Variants in C8orf34 observed in about 807,000 individuals in gnomAD.
The protein encoded by C8orf34 is chromosome 8 open reading frame 34, also known as uncharacterized protein C8orf34.
Under a neutral mutation model 68.3 loss-of-function variants are expected in C8orf34, and 65 were observed. The observed-to-expected ratio is 0.95, with a 90% CI of 0.78 to 1.17. C8orf34 has a LOEUF of 1.17. C8orf34 is among the 50% of genes most tolerant of loss of function. C8orf34 has a pLI of 0.00. For missense variants in C8orf34, 664 were observed against 655.4 expected (o/e 1.01, Z -0.14); for synonymous variants, 244 against 241.2 (o/e 1.01, Z -0.11).
At chr8:68,653,771 T>C (rs1819431795) in intron 8 of C8orf34, among the ~76,000 whole-genome samples, 1 of 152,114 alleles carries the variant, frequency 6.6e-6, no homozygotes, top group Non-Finnish European at 1.5e-5. Flanking sequence ...CATCACATTA[T>C]AGATTAGATT....
intron 7 of C8orf34, among the ~76,000 whole-genome samples, chr8:68,566,539 G>A (rs1489007759): frequency 6.6e-6 from 1 of 152,168 alleles, no homozygotes; most frequent in Non-Finnish European, 1.5e-5. Context: ...TATGGAGATG[G>A]CTTCTTTCCT....
chr8:68,424,885 G>A (rs1810142231), intron 1 of C8orf34, among the ~76,000 whole-genome samples: 1 of 152,106 alleles, frequency 6.6e-6, no homozygotes, highest in African/African-American at 2.4e-5. Context: ...GGGTGACAGA[G>A]TGAGACTCCA....
At chr8:68,671,916 A>T (rs768483155) in intron 8 of C8orf34, among the ~76,000 whole-genome samples, 8 of 152,196 alleles carry the variant, frequency 5.3e-5, no homozygotes, top group Non-Finnish European at 1.2e-4. Flanking sequence ...ATACAGTATA[A>T]GTCATTATAG....
chr8:68,497,754 A>C (rs1330199432), intron 5 of C8orf34, among the ~76,000 whole-genome samples: 2 of 152,046 alleles, frequency 1.3e-5, no homozygotes, highest in Non-Finnish European at 2.9e-5. Context: ...AGGAAGGGAG[A>C]GAAATGTGTT....
intron 7 of C8orf34, among the ~76,000 whole-genome samples, chr8:68,586,179 A>C (rs1398812751): frequency 1.3e-5 from 2 of 152,174 alleles, no homozygotes; most frequent in Admixed American, 1.3e-4. Flanking sequence ...AGAGGGGGAG[A>C]AAAAGCCTCA....
chr8:68,688,747 C>A (rs996379312), intron 8 of C8orf34, among the ~76,000 whole-genome samples: 1 of 152,060 alleles, frequency 6.6e-6, no homozygotes, highest in Admixed American at 6.6e-5. Flanking sequence ...GAAAACCAAA[C>A]ACTGCATGTT....
chr8:68,568,074 G>T (rs973483756), intron 7 of C8orf34, among the ~76,000 whole-genome samples: 1 of 152,080 alleles, frequency 6.6e-6, no homozygotes, highest in East Asian at 1.9e-4. Flanking sequence ...TGGGGGAGCA[G>T]TTGGAACACA....
chr8:68,783,247 T>C (rs761312995), intron 11 of C8orf34, among the ~76,000 whole-genome samples: 2 of 152,048 alleles, frequency 1.3e-5, no homozygotes, highest in African/African-American at 4.8e-5. Context: ...CTCACTGAAA[T>C]AGAGGCGCAC....
At chr8:68,449,947 C>T (rs1811277974) in intron 3 of C8orf34, among the ~76,000 whole-genome samples, 1 of 152,138 alleles carries the variant, frequency 6.6e-6, no homozygotes, top group Admixed American at 6.6e-5. Context: ...GCATTGTACA[C>T]AGAGTAGAAC....
chr8:68,487,404 T>A (rs1359191493), intron 4 of C8orf34, among the ~76,000 whole-genome samples: 3 of 152,184 alleles, frequency 2.0e-5, no homozygotes, highest in African/African-American at 7.2e-5. Flanking sequence ...TGACTTAGAA[T>A]AATTTTGGAG....
At chr8:68,339,281 G>A (rs1805977057) in intron 1 of C8orf34, among the ~76,000 whole-genome samples, 1 of 151,900 alleles carries the variant, frequency 6.6e-6, no homozygotes, top group South Asian at 2.1e-4. Flanking sequence ...TAATAAGTAA[G>A]TTTATTAAGG....
intron 10 of C8orf34, among the ~76,000 whole-genome samples, chr8:68,750,084 A>G (rs185749048): frequency 1.3e-5 from 2 of 152,326 alleles, no homozygotes. Flanking sequence ...TGTGAAACAT[A>G]GAATTACCAA....
At chr8:68,395,350 CTG>C (rs1346462174) in intron 1 of C8orf34, among the ~76,000 whole-genome samples, 1 of 112,424 alleles carries the variant, frequency 8.9e-6, no homozygotes, top group East Asian at 2.5e-4. Context: ...CTCTTTCTCT[CTG>C]TGTGTCTCTC....
intron 8 of C8orf34, among the ~76,000 whole-genome samples, chr8:68,660,666 G>A (rs1316037487): frequency 6.6e-6 from 1 of 152,044 alleles, no homozygotes; most frequent in Non-Finnish European, 1.5e-5. Flanking sequence ...TTTCTTTTTA[G>A]GGCTTCAAGC....
Position 68,567,731 on chromosome 8 carries a change from A to AT in C8orf34, c.1105+34594dup, listed in dbSNP as rs71253093. Among the ~76,000 whole-genome samples the AT allele has an allele frequency of 1.3e-3, 183 of 140,048 alleles. 1 individual carries two copies. The South Asian group carries it at 0.014, about 11-fold the overall frequency. 91.9% of individuals were successfully genotyped at this position (140,048 alleles called of 152,430 possible). On this transcript the variant is annotated intron_variant, in intron 7 of 13. Coordinates refer to ENST00000518698, the MANE Select transcript of C8orf34 (RefSeq NM_052958.4). Reference sequence around the variant, plus strand: ...TGCCTCAGCCTCCCGAGTCTTTTGTATTTTTTTTTTTTGGTTTCAATTTCA... The same window carrying AT: ...TGCCTCAGCCTCCCGAGTCTTTTGTATTTTTTTTTTTTTGGTTTCAATTTCA...
chr8:68,361,462 C>CA (rs1254521466), intron 1 of C8orf34, among the ~76,000 whole-genome samples: 4 of 152,176 alleles, frequency 2.6e-5, no homozygotes, highest in Admixed American at 2.0e-4. Flanking sequence ...GCAGCTGGCA[C>CA]AATGAGCTCT....
intron 10 of C8orf34, among the ~76,000 whole-genome samples, chr8:68,730,245 C>T (rs997776236): frequency 2.6e-5 from 4 of 152,062 alleles, no homozygotes; most frequent in Admixed American, 1.3e-4. Context: ...AAATTGCTGG[C>T]GGCTAATTGT....
At chr8:68,359,079 A>T (rs1467647444) in intron 1 of C8orf34, among the ~76,000 whole-genome samples, 1 of 152,232 alleles carries the variant, frequency 6.6e-6, no homozygotes, top group Non-Finnish European at 1.5e-5. Context: ...AACATTAAAA[A>T]GGAGTAAACG....
intron 7 of C8orf34, among the ~76,000 whole-genome samples, chr8:68,555,594 A>T (rs1045655395): frequency 6.6e-6 from 1 of 152,004 alleles, no homozygotes. Context: ...CCTTCTCTAG[A>T]GGTAATTATT....
Sources: gnomAD v4.1 joint callset for allele counts (sites outside exome capture counted in the v4.1 genomes callset) on GRCh38, gnomAD v4.1.1 for gene constraint, MANE v1.5 for transcripts, NCBI Gene and HGNC (gene_info 2026-07-23, HGNC 2026-07-21) for gene names.